NWD2: variants seen among roughly 807,000 people sequenced by gnomAD.
NWD2 encodes NACHT and WD repeat domain containing 2.
A neutral mutation model predicts 132.7 loss-of-function variants in NWD2; 37 were observed. The ratio of observed to expected loss-of-function variants is 0.28; its 90% CI spans 0.21 to 0.37. The LOEUF (loss-of-function observed/expected upper bound fraction) is 0.37. Ranked by LOEUF, NWD2 falls within the 10% of genes least tolerant of loss-of-function variation. The pLI is 1.00. For missense variants in NWD2, 1,592 were observed against 2,122.4 expected (o/e 0.75, Z 4.91); for synonymous variants, 705 against 803.0 (o/e 0.88, Z 2.06).
At chr4:37,270,641 G>C (rs184683590) in intron 1 of NWD2, among the ~76,000 whole-genome samples, 14 of 151,794 alleles carry the variant, frequency 9.2e-5, no homozygotes, top group Admixed American at 7.9e-4. Context: ...TTGATTGGTA[G>C]GATTGTTTAT....
intron 3 of NWD2, among the ~76,000 whole-genome samples, chr4:37,374,409 G>A (rs946659105): frequency 6.6e-6 from 1 of 152,176 alleles, no homozygotes; most frequent in Non-Finnish European, 1.5e-5. Flanking sequence ...TTCATTTATA[G>A]CAATGCAAAA....
At chr4:37,246,332 C>T (rs758693284) in intron 1 of NWD2, among the ~76,000 whole-genome samples, 1 of 152,022 alleles carries the variant, frequency 6.6e-6, no homozygotes, top group East Asian at 1.9e-4. Flanking sequence ...ATTACCGTTT[C>T]GGAAAAAATA....
chr4:37,330,078 T>C (rs1013105957), intron 2 of NWD2, among the ~76,000 whole-genome samples: 1 of 152,216 alleles, frequency 6.6e-6, no homozygotes, highest in East Asian at 1.9e-4. Flanking sequence ...ATTAAATTAA[T>C]ACGCATTTTA....
At chr4:37,358,950 A>G (rs41329652) in intron 3 of NWD2, among the ~76,000 whole-genome samples, 8,419 of 152,242 alleles carry the variant, frequency 0.055, 256 homozygotes, top group East Asian at 0.098. Context: ...CATTATGCTT[A>G]GAAAGCCAGA....
intron 3 of NWD2, among the ~76,000 whole-genome samples, chr4:37,369,706 C>T (rs1720176695): frequency 6.6e-6 from 1 of 152,110 alleles, no homozygotes; most frequent in African/African-American, 2.4e-5. Context: ...AGGTCAAATG[C>T]AAAGAAAATG....
intron 1 of NWD2, among the ~76,000 whole-genome samples, chr4:37,266,773 G>A (rs891190230): frequency 3.1e-4 from 47 of 152,004 alleles, no homozygotes; most frequent in African/African-American, 1.1e-3. Context: ...GACATACTGA[G>A]TTCTTAAAGC....
chr4:37,345,263 T>C (rs755720025), intron 2 of NWD2, among the ~76,000 whole-genome samples: 5 of 152,182 alleles, frequency 3.3e-5, no homozygotes, highest in Non-Finnish European at 1.5e-5. Flanking sequence ...GGTCATGTGG[T>C]AAGTCTCTGT....
intron 1 of NWD2, among the ~76,000 whole-genome samples, chr4:37,324,485 T>C (rs1719132577): frequency 6.6e-6 from 1 of 152,166 alleles, no homozygotes; most frequent in Non-Finnish European, 1.5e-5. Context: ...GTTAGCATTT[T>C]CAGCTCTTAA....
chr4:37,376,976 G>T (rs1462392431), intron 3 of NWD2, among the ~76,000 whole-genome samples: 1 of 152,122 alleles, frequency 6.6e-6, no homozygotes, highest in Admixed American at 6.5e-5. Flanking sequence ...CAAATTCAAA[G>T]AACATTTTGT....
At chr4:37,429,363 G>A (rs1016222545) in intron 3 of NWD2, among the ~76,000 whole-genome samples, 4 of 152,052 alleles carry the variant, frequency 2.6e-5, no homozygotes, top group African/African-American at 9.7e-5. Context: ...TGACCAGGCT[G>A]GAGTGCAGTG....
intron 1 of NWD2, among the ~76,000 whole-genome samples, chr4:37,312,797 A>G (rs1163990268): frequency 6.6e-6 from 1 of 151,188 alleles, no homozygotes; most frequent in Non-Finnish European, 1.5e-5. Flanking sequence ...ATTTTGAGAT[A>G]TGTTCCATCA....
intron 1 of NWD2, among the ~76,000 whole-genome samples, chr4:37,289,661 T>C (rs1718317922): frequency 6.6e-6 from 1 of 152,200 alleles, no homozygotes; most frequent in African/African-American, 2.4e-5. Flanking sequence ...TGAGGTAAAA[T>C]TTACACAGTG....
chr4:37,385,824 T>C (rs1288389024), intron 3 of NWD2, among the ~76,000 whole-genome samples: 1 of 152,174 alleles, frequency 6.6e-6, no homozygotes, highest in Non-Finnish European at 1.5e-5. Context: ...TGGGGTATTA[T>C]TGATAATAAT....
At chr4:37,363,606 C>A (rs4832729) in intron 3 of NWD2, among the ~76,000 whole-genome samples, 146,943 of 152,182 alleles carry the variant, frequency 0.97, 71,157 homozygotes, top group East Asian at 1. Flanking sequence ...GGACATAAAG[C>A]TGGCAACAAT....
At chr4:37,316,228 T>C (rs1718954110) in intron 1 of NWD2, among the ~76,000 whole-genome samples, 1 of 152,084 alleles carries the variant, frequency 6.6e-6, no homozygotes, top group Non-Finnish European at 1.5e-5. Context: ...AGTATTTTGC[T>C]TTTTTAAAAA....
At chr4:37,319,333 C>T (rs1268180611) in intron 1 of NWD2, among the ~76,000 whole-genome samples, 1 of 152,040 alleles carries the variant, frequency 6.6e-6, no homozygotes, top group Non-Finnish European at 1.5e-5. Context: ...TTGGTTTTTG[C>T]TTGTTGATTT....
chr4:37,407,998 T>C (rs1721079562), intron 3 of NWD2, among the ~76,000 whole-genome samples: 1 of 152,202 alleles, frequency 6.6e-6, no homozygotes, highest in Non-Finnish European at 1.5e-5. Context: ...CCAGCACAGA[T>C]ACTGCACTTG....
In NWD2 at chr4:37,368,582, A is replaced by T. The variant is rs553670970; in HGVS notation, c.357+12100A>T. On this transcript the variant is annotated intron_variant, in intron 3 of 6. Coordinates refer to ENST00000309447, the MANE Select transcript of NWD2 (RefSeq NM_001144990.2). ...GATAATATAATATTAGTTAGCTGCTATGGAAGCAAAATGGGGAAACTGGTT... is the reference window on the plus strand; with the variant it reads ...GATAATATAATATTAGTTAGCTGCTTTGGAAGCAAAATGGGGAAACTGGTT... 2.1e-3 allele frequency among the ~76,000 whole-genome samples: 325 copies of T among 152,314 alleles called. 1 individual carries two copies. Among genetic ancestry groups the T allele is most frequent in the Non-Finnish European group, 3.4e-3 (232 of 68,020 alleles).
At chr4:37,357,877 G>GA (rs1719902293) in intron 3 of NWD2, among the ~76,000 whole-genome samples, 1 of 152,108 alleles carries the variant, frequency 6.6e-6, no homozygotes, top group Admixed American at 6.6e-5. Flanking sequence ...AGGGGAGATG[G>GA]AAAGAGGGGC....
Sources: allele counts gnomAD v4.1 joint callset (sites outside exome capture counted in the v4.1 genomes callset), GRCh38; gene constraint gnomAD v4.1.1; transcripts MANE v1.5; gene names NCBI Gene and HGNC (gene_info 2026-07-23, HGNC 2026-07-21).